The following POLR2J variants were observed in gnomAD, a reference collection of about 807,000 sequenced individuals.
POLR2J encodes RNA polymerase II subunit J.
In POLR2J, 12 loss-of-function variants were observed where a neutral mutation model predicts 13.4. That is an observed-to-expected ratio of 0.90 (90% confidence interval 0.57 to 1.45). POLR2J has a LOEUF of 1.45. Among genes scored for constraint, POLR2J ranks in the 40% most tolerant of loss-of-function variants. The probability of loss-of-function intolerance (pLI) is 0.00; values close to 1 mark genes in which losing one functional copy is unlikely to be tolerated. For missense variants in POLR2J, 58 were observed against 132.0 expected (o/e 0.44, Z 2.75); for synonymous variants, 31 against 53.6 (o/e 0.58, Z 1.84).
chr7:102,473,419 T>G lies in POLR2J; in HGVS notation c.*230A>C. ...CCTGCATCAAGCCTGACAATCCATT[T>G]GCTTGCGAAGTCACCGCTGCTCAAG... On this transcript the variant is annotated 3_prime_UTR_variant, in exon 4 of 4. Transcript: ENST00000292614. The G allele has an allele frequency of 1.7e-6, 1 of 594,396 alleles. No homozygotes were observed. The highest frequency in any genetic ancestry group is 2.6e-5 in the South Asian group (1 of 38,896). 36.8% of individuals were successfully genotyped at this position (594,396 alleles called of 1,614,324 possible).
Position 102,473,579 on chromosome 7 carries a change from G to C in POLR2J, c.*70C>G, listed in dbSNP as rs79690771. 2.8e-3 allele frequency: 4,200 copies of C among 1,514,832 alleles called. 100 individuals are homozygous for C. The African/African-American group carries it at 0.057, about 21-fold the overall frequency. The allele number at this position is 1,514,832 out of a possible 1,614,324, so 93.8% of individuals were successfully genotyped here. ...GGGACCGGCCGCTCTCCTCGGTGTG[G>C]TACCTGGAGCGGAGGGTCAGGCACA... On this transcript the variant is annotated 3_prime_UTR_variant, in exon 4 of 4. Transcript: ENST00000292614.
chr7:102,476,507 A>T (rs1464115548), intron 1 of POLR2J, among the ~76,000 whole-genome samples: 1 of 149,778 alleles, frequency 6.7e-6, no homozygotes, highest in Non-Finnish European at 1.5e-5. Context: ...GAGTGTGGTG[A>T]TCCATGCCTG....
intron 1 of POLR2J, among the ~76,000 whole-genome samples, chr7:102,478,529 G>C (rs1798489965): frequency 6.6e-6 from 1 of 152,016 alleles, no homozygotes; most frequent in Non-Finnish European, 1.5e-5. Context: ...CAGAGGAAAA[G>C]GGCTATGGAG....
In POLR2J at chr7:102,478,885, C is replaced by T. The variant is rs548362001; in HGVS notation, c.-25G>A. ...TGCTCCCGCCGCCGTTGCGTCCAGA[C>T]CCCAAGGGTCCGCCGCCGCCGCCAC... On this transcript the variant is annotated 5_prime_UTR_variant, in exon 1 of 4. Coordinates refer to ENST00000292614, the MANE Select transcript of POLR2J (RefSeq NM_006234.6). 9.9e-6 allele frequency: 16 copies of T among 1,610,270 alleles called. No individual in the cohort carries two copies. The highest frequency in any genetic ancestry group is 8.3e-5 in the Admixed American group (5 of 59,932).
chr7:102,478,582 G>C (rs1433764487), intron 1 of POLR2J, among the ~76,000 whole-genome samples: 2 of 151,532 alleles, frequency 1.3e-5, no homozygotes, highest in African/African-American at 4.8e-5. Flanking sequence ...GCCACTTCCT[G>C]TGTCCGGGGC....
chr7:102,477,744 A>AT (rs1798466621), intron 1 of POLR2J, among the ~76,000 whole-genome samples: 1 of 35,208 alleles, frequency 2.8e-5, no homozygotes, highest in African/African-American at 5.7e-5. Flanking sequence ...CCTGGGAACA[A>AT]TAAGAGCCAA....
chr7:102,473,596 T>C lies in POLR2J; in HGVS notation c.*53A>G. The stretch of plus-strand genomic sequence containing the variant: ...TCGGTGTGGTACCTGGAGCGGAGGG[T>C]CAGGCACAGGTAGGAACGGGGCTCA... On this transcript the variant is annotated 3_prime_UTR_variant, in exon 4 of 4. Coordinates refer to ENST00000292614, the MANE Select transcript of POLR2J (RefSeq NM_006234.6). 1.9e-6 allele frequency: 3 copies of C among 1,607,890 alleles called. No homozygotes were observed. The highest frequency in any genetic ancestry group is 1.1e-5 in the South Asian group (1 of 90,278).
intron 2 of POLR2J, among the ~76,000 whole-genome samples, chr7:102,475,359 C>A (rs1206843383): frequency 6.6e-6 from 1 of 152,214 alleles, no homozygotes; most frequent in Non-Finnish European, 1.5e-5. Context: ...CTGGCTAGGA[C>A]CTCACTGGTA....
chr7:102,473,481 A>C lies in POLR2J; in HGVS notation c.*168T>G. 2 of 824,634 alleles carry C rather than the reference A, an allele frequency of 2.4e-6. No individual in the cohort carries two copies. Among genetic ancestry groups the C allele is most frequent in the South Asian group, 2.3e-5 (1 of 43,698 alleles). The allele number at this position is 824,634 out of a possible 1,614,324, so 51.1% of individuals were successfully genotyped here. A position where few individuals can be genotyped will look rare whatever the true frequency, so the allele number is the denominator to read the frequency against. On this transcript the variant is annotated 3_prime_UTR_variant, in exon 4 of 4. Coordinates refer to ENST00000292614, the MANE Select transcript of POLR2J (RefSeq NM_006234.6). The stretch of plus-strand genomic sequence containing the variant: ...GTCTCTCCCGCTATACTTTATTAGG[A>C]ATATAAAACCTAATCTATGTACAGG...
Position 102,473,196 on chromosome 7 carries a change from CAGGAAGA to C in POLR2J, c.*446_*452del. On this transcript the variant is annotated 3_prime_UTR_variant, in exon 4 of 4. Coordinates refer to ENST00000292614, the MANE Select transcript of POLR2J (RefSeq NM_006234.6). ...CTGTGGAAAGGTGTTTCGAGTTATGCAGGAAGAAGTGTTCCTGCTTTGACTGACAGGC... is the reference window on the plus strand; with the variant it reads ...CTGTGGAAAGGTGTTTCGAGTTATGCAGTGTTCCTGCTTTGACTGACAGGC... 1.0e-6 allele frequency: 1 copy of C among 956,652 alleles called. No individual in the cohort carries two copies. The highest frequency in any genetic ancestry group is 2.6e-5 in the East Asian group (1 of 37,922). 59.3% of individuals were successfully genotyped at this position (956,652 alleles called of 1,614,324 possible). A position where few individuals can be genotyped will look rare whatever the true frequency, so the allele number is the denominator to read the frequency against.
chr7:102,473,814 T>C, intron 3 of POLR2J, 130 bp from the exon 4 acceptor site: 1 of 1,485,730 alleles, frequency 6.7e-7, no homozygotes, highest in Non-Finnish European at 8.9e-7. Flanking sequence ...CCCAGGACAG[T>C]GGAGCAGCCA....
In POLR2J at chr7:102,473,139, AT is replaced by A; in HGVS notation, c.*509del. 7.2e-7 allele frequency: 1 copy of A among 1,391,090 alleles called. No homozygotes were observed. The highest frequency in any genetic ancestry group is 9.8e-7 in the Non-Finnish European group (1 of 1,023,702). The allele number at this position is 1,391,090 out of a possible 1,614,324, so 86.2% of individuals were successfully genotyped here. A position where few individuals can be genotyped will look rare whatever the true frequency, so the allele number is the denominator to read the frequency against. On this transcript the variant is annotated 3_prime_UTR_variant, in exon 4 of 4. Coordinates refer to ENST00000292614, the MANE Select transcript of POLR2J (RefSeq NM_006234.6). ...GGTGGGGGGGGGTCTTTCAGTGAAT[AT>A]TTTTATTAAACTCTACTGTGGACAA...
At chr7:102,478,730 G>A (rs1455744025) in intron 1 of POLR2J, 78 bp downstream of exon 1, 2 of 1,585,008 alleles carry the variant, frequency 1.3e-6, no homozygotes. Flanking sequence ...CCCGGGGCAA[G>A]AGATGGGCAG....
At chr7:102,476,474 T>C (rs966626835) in intron 1 of POLR2J, among the ~76,000 whole-genome samples, 1 of 150,104 alleles carries the variant, frequency 6.7e-6, no homozygotes, top group African/African-American at 2.5e-5. Context: ...GTACTAAAAA[T>C]ACAAAGAAAA....
Position 102,473,481 on chromosome 7 carries a change from AAT to A in POLR2J, c.*166_*167del. On this transcript the variant is annotated 3_prime_UTR_variant, in exon 4 of 4. Transcript: ENST00000292614. The stretch of plus-strand genomic sequence containing the variant: ...GTCTCTCCCGCTATACTTTATTAGG[AAT>A]ATAAAACCTAATCTATGTACAGGAC... 1 of 824,644 alleles carries A rather than the reference AAT, an allele frequency of 1.2e-6. No individual in the cohort carries two copies. Among genetic ancestry groups the A allele is most frequent in the Non-Finnish European group, 1.7e-6 (1 of 596,880 alleles). 51.1% of individuals were successfully genotyped at this position (824,644 alleles called of 1,614,324 possible).
intron 1 of POLR2J, 101 bp downstream of exon 1, chr7:102,478,707 A>G: frequency 6.5e-7 from 1 of 1,550,204 alleles, no homozygotes; most frequent in South Asian, 1.2e-5. Flanking sequence ...GATCAAGCAA[A>G]AGCTGTTTCC....
chr7:102,474,326 CCCACCCCGTCTGCCCCTCCAGG>C lies in POLR2J; in HGVS notation c.318+13_318+34del, dbSNP rs1275758902. Reference sequence around the variant, plus strand: ...CCTGGGCACACGGGCCAGTGTCCAGCCCACCCCGTCTGCCCCTCCAGGCCCCGCCCTCACCCGAAAGCGCTCC... The same window carrying C: ...CCTGGGCACACGGGCCAGTGTCCAGCCCCCGCCCTCACCCGAAAGCGCTCC... On this transcript the variant is annotated intron_variant, in intron 3 of 3. Coordinates refer to ENST00000292614, the MANE Select transcript of POLR2J (RefSeq NM_006234.6). 1 of 1,611,724 alleles carries C rather than the reference CCCACCCCGTCTGCCCCTCCAGG, an allele frequency of 6.2e-7. No individual in the cohort carries two copies. Among genetic ancestry groups the C allele is most frequent in the Non-Finnish European group, 8.5e-7 (1 of 1,179,800 alleles).
rs1221303058 is a variant in POLR2J at position 102,473,304 on chromosome 7, ACAGCCCCCGCAG to A, written c.*333_*344del. On this transcript the variant is annotated 3_prime_UTR_variant, in exon 4 of 4. Coordinates refer to ENST00000292614, the MANE Select transcript of POLR2J (RefSeq NM_006234.6). ...TTTGCACACTTCTCTCCGGCTCAGC[ACAGCCCCCGCAG>A]CAGCCCCTGGACCCCGGATCTTTGG... The A allele has an allele frequency of 1.0e-5, 6 of 576,526 alleles. No individual in the cohort carries two copies. Among genetic ancestry groups the A allele is most frequent in the South Asian group, 2.4e-5 (1 of 41,588 alleles). The allele number at this position is 576,526 out of a possible 1,614,324, so 35.7% of individuals were successfully genotyped here.
chr7:102,473,593 G>C lies in POLR2J; in HGVS notation c.*56C>G, dbSNP rs758608265. On this transcript the variant is annotated 3_prime_UTR_variant, in exon 4 of 4. Coordinates refer to ENST00000292614, the MANE Select transcript of POLR2J (RefSeq NM_006234.6). ...TCCTCGGTGTGGTACCTGGAGCGGA[G>C]GGTCAGGCACAGGTAGGAACGGGGC... The C allele has an allele frequency of 1.4e-3, 2,160 of 1,582,574 alleles. 4 individuals carry two copies. Among genetic ancestry groups the C allele is most frequent in the Non-Finnish European group, 1.7e-3 (1,999 of 1,168,122 alleles).
Sources: gnomAD v4.1 joint callset for allele counts (sites outside exome capture counted in the v4.1 genomes callset) on GRCh38, gnomAD v4.1.1 for gene constraint, MANE v1.5 for transcripts, NCBI Gene and HGNC (gene_info 2026-07-23, HGNC 2026-07-21) for gene names.